LHFPL6: variants seen among roughly 807,000 people sequenced by gnomAD.
The protein encoded by LHFPL6 is LHFPL tetraspan subfamily member 6 protein.
Under a neutral mutation model 20.6 loss-of-function variants are expected in LHFPL6, and 9 were observed. That is an observed-to-expected ratio of 0.44 (90% CI 0.26 to 0.76). LHFPL6 has a LOEUF of 0.76. LHFPL6 is among the 30% of genes least tolerant of loss of function. LHFPL6 has a pLI of 0.20. For missense variants in LHFPL6, 218 were observed against 253.5 expected, an observed-to-expected ratio of 0.86 and a Z score of 0.95; for synonymous variants, 105 against 98.7, an observed-to-expected ratio of 1.06 and a Z score of -0.38.
At chr13:39,502,583 T>C (rs1000140540) in intron 2 of LHFPL6, among the ~76,000 whole-genome samples, 3 of 152,162 alleles carry the variant, frequency 2.0e-5, no homozygotes, top group Admixed American at 6.5e-5. Flanking sequence ...ATCAAGCCAC[T>C]GCACTCCAGT....
At chr13:39,348,248 C>G (rs943991225) in intron 3 of LHFPL6, among the ~76,000 whole-genome samples, 1 of 152,168 alleles carries the variant, frequency 6.6e-6, no homozygotes, top group Non-Finnish European at 1.5e-5. Context: ...TCTGGACTCT[C>G]AATCTCCAGC....
At chr13:39,451,933 T>C (rs1872455426) in intron 2 of LHFPL6, among the ~76,000 whole-genome samples, 1 of 152,154 alleles carries the variant, frequency 6.6e-6, no homozygotes, top group Admixed American at 6.6e-5. Flanking sequence ...AATATGTGTG[T>C]GTGTGTGTGT....
chr13:39,467,342 C>A (rs1192581218), intron 2 of LHFPL6, among the ~76,000 whole-genome samples: 1 of 152,124 alleles, frequency 6.6e-6, no homozygotes. Context: ...AATCTCCTCC[C>A]AACTATTTTC....
At chr13:39,572,329 T>A (rs920433003) in intron 2 of LHFPL6, among the ~76,000 whole-genome samples, 4 of 135,662 alleles carry the variant, frequency 2.9e-5, no homozygotes, top group East Asian at 2.2e-4. Context: ...TGTGTGTGTG[T>A]GACAGTCCCC....
At position 39,343,899 on chromosome 13, in the gene LHFPL6, C is replaced by T. The variant is rs765697073; in HGVS notation, c.*37G>A. 2 of 1,552,110 alleles carry T rather than the reference C, an allele frequency of 1.3e-6. No homozygotes were observed. The highest frequency in any genetic ancestry group is 1.4e-5 in the African/African-American group (1 of 73,762). ...TTTTGACCTCTCCAAGCCCCTTTGG[C>T]CCATCTTCTCCTCTGTCTGCTCTTG... On this transcript the variant is annotated 3_prime_UTR_variant, in exon 4 of 4. Coordinates refer to ENST00000379589, the MANE Select transcript of LHFPL6 (RefSeq NM_005780.3).
rs1452948892 is a variant in LHFPL6 at position 39,416,689 on chromosome 13, T to C, written c.386-38163A>G. On this transcript the variant is annotated intron_variant, in intron 2 of 3. Transcript: ENST00000379589. ...AGTGCTAGCTTTCTCTCTTTTACAG[T>C]TTGTGTGAACATAAATCAAATACAG... is the stretch of plus-strand genomic sequence containing the variant. 2.0e-5 allele frequency among the ~76,000 whole-genome samples: 3 copies of C among 152,226 alleles called. No homozygotes were observed. In the East Asian group the frequency reaches 5.8e-4, roughly 29 times the overall value.
intron 2 of LHFPL6, among the ~76,000 whole-genome samples, chr13:39,517,595 C>A (rs1196290815): frequency 6.6e-6 from 1 of 152,152 alleles, no homozygotes; most frequent in Non-Finnish European, 1.5e-5. Context: ...CTTGAAAAAT[C>A]CCTAGAAGTT....
intron 2 of LHFPL6, among the ~76,000 whole-genome samples, chr13:39,508,603 CT>C (rs1593341282): frequency 6.6e-6 from 1 of 151,996 alleles, no homozygotes; most frequent in East Asian, 1.9e-4. Flanking sequence ...TTTTGTTTTG[CT>C]TCTTTCACTC....
intron 2 of LHFPL6, among the ~76,000 whole-genome samples, chr13:39,589,655 C>G (rs181190610): frequency 8.9e-4 from 136 of 152,036 alleles, no homozygotes; most frequent in African/African-American, 3.0e-3. Flanking sequence ...GACACAAAGC[C>G]TTTGGTTTTG....
chr13:39,438,593 C>G (rs1005132923), intron 2 of LHFPL6, among the ~76,000 whole-genome samples: 5 of 152,230 alleles, frequency 3.3e-5, no homozygotes, highest in Admixed American at 2.0e-4. Context: ...GGAAGCCCCT[C>G]CTATCACAGG....
intron 2 of LHFPL6, among the ~76,000 whole-genome samples, chr13:39,515,826 AGGC>A (rs2138480259): frequency 6.6e-6 from 1 of 152,326 alleles, no homozygotes; most frequent in African/African-American, 2.4e-5. Flanking sequence ...CTAAGAGAGG[AGGC>A]CAATAATAAA....
At chr13:39,577,107 C>G (rs1484132177) in intron 2 of LHFPL6, among the ~76,000 whole-genome samples, 1 of 152,058 alleles carries the variant, frequency 6.6e-6, no homozygotes. Context: ...AAAGAAAAAA[C>G]AAAACAGTGA....
intron 2 of LHFPL6, among the ~76,000 whole-genome samples, chr13:39,441,497 C>T (rs1273224060): frequency 2.1e-5 from 3 of 145,580 alleles, no homozygotes; most frequent in Non-Finnish European, 4.6e-5. Flanking sequence ...TTCAGAATTT[C>T]TGAAAAAAAA....
At chr13:39,538,902 T>C (rs774872125) in intron 2 of LHFPL6, among the ~76,000 whole-genome samples, 4 of 152,212 alleles carry the variant, frequency 2.6e-5, no homozygotes, top group Non-Finnish European at 4.4e-5. Flanking sequence ...GAGTTATTCA[T>C]CTACTCCAGA....
chr13:39,520,943 G>A (rs1007761468), intron 2 of LHFPL6, among the ~76,000 whole-genome samples: 2 of 152,172 alleles, frequency 1.3e-5, no homozygotes, highest in African/African-American at 4.8e-5. Flanking sequence ...CTACAGGACT[G>A]GGAAGGGACT....
intron 3 of LHFPL6, among the ~76,000 whole-genome samples, chr13:39,356,869 C>T (rs1364794467): frequency 6.6e-6 from 1 of 152,176 alleles, no homozygotes; most frequent in Admixed American, 6.5e-5. Flanking sequence ...GAATCAGAAA[C>T]TTAAAAAGCT....
rs59443260 is a variant in LHFPL6, at chr13:39,569,156, C to CGGATGGATGGATGGAT, written c.385+31660_385+31675dup. On this transcript the variant is annotated intron_variant, in intron 2 of 3. Coordinates refer to ENST00000379589, the MANE Select transcript of LHFPL6 (RefSeq NM_005780.3). ...ATGGATGGATGGATGGATGGACGGA[C>CGGATGGATGGATGGAT]GGATGGATGGATGGATGGATGGATG... Among the ~76,000 whole-genome samples the CGGATGGATGGATGGAT allele has an allele frequency of 3.1e-3, 300 of 97,348 alleles. 2 individuals are homozygous for CGGATGGATGGATGGAT. Among genetic ancestry groups the CGGATGGATGGATGGAT allele is most frequent in the African/African-American group, 6.8e-3 (170 of 25,016 alleles). 63.9% of individuals were successfully genotyped at this position (97,348 alleles called of 152,430 possible).
chr13:39,482,606 C>T (rs1254639384), intron 2 of LHFPL6, among the ~76,000 whole-genome samples: 1 of 152,108 alleles, frequency 6.6e-6, no homozygotes, highest in Non-Finnish European at 1.5e-5. Context: ...GTGTCAAATG[C>T]TGCAGAGAGA....
At chr13:39,498,520 A>G (rs776666370) in intron 2 of LHFPL6, among the ~76,000 whole-genome samples, 5 of 152,234 alleles carry the variant, frequency 3.3e-5, no homozygotes, top group South Asian at 2.1e-4. Context: ...TATTTAATAC[A>G]AAGTTTAAAA....
Sources: allele counts gnomAD v4.1 joint callset (sites outside exome capture counted in the v4.1 genomes callset), GRCh38; gene constraint gnomAD v4.1.1; transcripts MANE v1.5; gene names NCBI Gene and HGNC (gene_info 2026-07-23, HGNC 2026-07-21).